Variants in GALNTL6 observed in about 807,000 individuals in gnomAD.
GALNTL6 encodes the protein polypeptide N-acetylgalactosaminyltransferase-like 6.
GALNTL6 carries 46 observed loss-of-function variants against 73.7 expected under a neutral mutation model. That is an observed-to-expected ratio of 0.62 (90% CI 0.49 to 0.80). The LOEUF is 0.80. Among genes scored for constraint, GALNTL6 ranks in the 30% least tolerant of loss-of-function variants. GALNTL6 has a pLI of 0.00. For synonymous variants in GALNTL6, 259 were observed against 263.7 expected, an observed-to-expected ratio of 0.98 and a Z score of 0.17; for missense variants, 604 against 755.0, an observed-to-expected ratio of 0.80 and a Z score of 2.34.
intron 5 of GALNTL6, among the ~76,000 whole-genome samples, chr4:172,600,125 A>C (rs1738000937): frequency 6.6e-6 from 1 of 152,142 alleles, no homozygotes; most frequent in East Asian, 1.9e-4. Flanking sequence ...TTTCATTATA[A>C]AATGGTGTAT....
At chr4:172,990,371 T>C (rs891476563) in intron 10 of GALNTL6, among the ~76,000 whole-genome samples, 1 of 152,144 alleles carries the variant, frequency 6.6e-6, no homozygotes. Context: ...TTAAAAGCTA[T>C]AAATAGCTCA....
intron 2 of GALNTL6, among the ~76,000 whole-genome samples, chr4:171,955,932 G>A (rs1027173359): frequency 6.6e-6 from 1 of 152,092 alleles, no homozygotes; most frequent in Non-Finnish European, 1.5e-5. Context: ...TAGCTGCAAA[G>A]TATTATAGTT....
intron 5 of GALNTL6, among the ~76,000 whole-genome samples, chr4:172,470,081 A>T (rs1287041134): frequency 6.6e-6 from 1 of 152,222 alleles, no homozygotes; most frequent in African/African-American, 2.4e-5. Flanking sequence ...CACGGCATGG[A>T]CTGATCCAGG....
intron 5 of GALNTL6, among the ~76,000 whole-genome samples, chr4:172,411,842 G>T (rs1744448814): frequency 6.6e-6 from 1 of 151,986 alleles, no homozygotes; most frequent in African/African-American, 2.4e-5. Flanking sequence ...TATAGGCCCT[G>T]GGGATAAAAT....
rs201944756 is a variant in GALNTL6 at position 171,907,995 on chromosome 4, C to A, written c.138+93277C>A. Among the ~76,000 whole-genome samples the A allele has an allele frequency of 7.6e-3, 1,154 of 151,934 alleles. 19 individuals carry two copies. The East Asian group carries it at 0.09, about 12-fold the overall frequency. ...CTTACACCTTATACAAAAATTAATT[C>A]AAGATGGATTAAAGACTTAAACGTT... On this transcript the variant is annotated intron_variant, in intron 2 of 12. Coordinates refer to ENST00000506823, the MANE Select transcript of GALNTL6 (RefSeq NM_001034845.3).
In GALNTL6 at chr4:172,583,196, G is replaced by C. The variant is rs533731503; in HGVS notation, c.554-226165G>C. 2.0e-5 allele frequency among the ~76,000 whole-genome samples: 3 copies of C among 152,144 alleles called. No individual in the cohort carries two copies. The South Asian group carries it at 6.2e-4, about 32-fold the overall frequency. On this transcript the variant is annotated intron_variant, in intron 5 of 12. Coordinates refer to ENST00000506823, the MANE Select transcript of GALNTL6 (RefSeq NM_001034845.3). ...CACACTTCCTGTAAAGAAAACATGT[G>C]AGAAAATACTCACTAGGTTTCAGGG...
At chr4:172,855,358 A>G (rs1300261429) in intron 7 of GALNTL6, among the ~76,000 whole-genome samples, 10 of 152,194 alleles carry the variant, frequency 6.6e-5, no homozygotes, top group Non-Finnish European at 1.5e-4. Flanking sequence ...GGAAAGATAT[A>G]TATACTTAAT....
At chr4:171,886,364 T>A (rs1736608269) in intron 2 of GALNTL6, among the ~76,000 whole-genome samples, 5 of 152,322 alleles carry the variant, frequency 3.3e-5, no homozygotes, top group Admixed American at 2.6e-4. Context: ...TTCTTCATTT[T>A]TTCATTGTAA....
Position 172,689,277 on chromosome 4 carries a change from G to T in GALNTL6, c.554-120084G>T, listed in dbSNP as rs570278455. 3.4e-4 allele frequency among the ~76,000 whole-genome samples: 52 copies of T among 152,242 alleles called. No individual in the cohort carries two copies. The South Asian group carries it at 0.011, about 31-fold the overall frequency. ...TAGACTGTACAATATAGTGAAAGTA[G>T]AATTGGATACGGAGTTAAAATACTT... is the stretch of plus-strand genomic sequence containing the variant. On this transcript the variant is annotated intron_variant, in intron 5 of 12. Transcript: ENST00000506823.
At chr4:172,402,892 G>T in intron 5 of GALNTL6, among the ~76,000 whole-genome samples, 1 of 151,990 alleles carries the variant, frequency 6.6e-6, no homozygotes, top group East Asian at 1.9e-4. Flanking sequence ...AGCACATCTT[G>T]CAAAGTATTT....
At chr4:172,475,903 G>C (rs1037877524) in intron 5 of GALNTL6, among the ~76,000 whole-genome samples, 5 of 152,166 alleles carry the variant, frequency 3.3e-5, no homozygotes, top group Non-Finnish European at 7.3e-5. Context: ...TGAAAAGTGT[G>C]TTTTATAATA....
intron 7 of GALNTL6, among the ~76,000 whole-genome samples, chr4:172,879,725 A>G (rs1451177409): frequency 6.6e-6 from 1 of 151,938 alleles, no homozygotes; most frequent in African/African-American, 2.4e-5. Context: ...AAAGAAGAGC[A>G]AATTAAATCC....
intron 2 of GALNTL6, among the ~76,000 whole-genome samples, chr4:171,872,419 G>A (rs2110897000): frequency 6.6e-6 from 1 of 152,256 alleles, no homozygotes; most frequent in Middle Eastern, 3.4e-3. Flanking sequence ...GAGGTAAGAT[G>A]CCTAAAGTTC....
chr4:172,011,208 T>C (rs935608594), intron 2 of GALNTL6, among the ~76,000 whole-genome samples: 1 of 152,108 alleles, frequency 6.6e-6, no homozygotes, highest in South Asian at 2.1e-4. Context: ...AACATTCTGA[T>C]CCAAATTATC....
intron 10 of GALNTL6, among the ~76,000 whole-genome samples, chr4:173,002,814 G>T (rs908174153): frequency 7.8e-6 from 1 of 128,492 alleles, no homozygotes; most frequent in African/African-American, 2.8e-5. Context: ...AAAAAAAAAA[G>T]AATATTGGCC....
intron 5 of GALNTL6, among the ~76,000 whole-genome samples, chr4:172,566,586 A>G (rs1026669758): frequency 6.6e-6 from 1 of 152,150 alleles, no homozygotes; most frequent in African/African-American, 2.4e-5. Flanking sequence ...CATTTAAAAA[A>G]ATCTCAAATA....
chr4:172,119,681 T>C (rs1014280163), intron 2 of GALNTL6, among the ~76,000 whole-genome samples: 10 of 152,142 alleles, frequency 6.6e-5, no homozygotes, highest in African/African-American at 2.4e-4. Flanking sequence ...AACTCAGTCA[T>C]TGTAACAAAA....
chr4:172,593,823 A>G (rs7694591), intron 5 of GALNTL6, among the ~76,000 whole-genome samples: 79,738 of 151,808 alleles, frequency 0.53, 21,740 homozygotes, highest in East Asian at 0.77. Context: ...TCCGCCTCCC[A>G]GGTTCCAGTG....
intron 2 of GALNTL6, among the ~76,000 whole-genome samples, chr4:172,178,721 T>C (rs1205765517): frequency 1.4e-5 from 2 of 141,566 alleles, no homozygotes; most frequent in African/African-American, 2.7e-5. Context: ...TAGTTACATA[T>C]GTATACATGT....
Sources: allele counts gnomAD v4.1 joint callset (sites outside exome capture counted in the v4.1 genomes callset), GRCh38; gene constraint gnomAD v4.1.1; transcripts MANE v1.5; gene names NCBI Gene and HGNC (gene_info 2026-07-23, HGNC 2026-07-21).